The following EMID1 variants were observed in gnomAD, a reference collection of about 807,000 sequenced individuals.
EMID1 encodes the protein EMI domain-containing protein 1.
Under a neutral mutation model 60.6 loss-of-function variants are expected in EMID1, and 40 were observed. The observed-to-expected ratio is 0.66, with a 90% CI of 0.51 to 0.86. The LOEUF (loss-of-function observed/expected upper bound fraction) is 0.86, where lower values mean the gene tolerates loss of function less well. Among genes scored for constraint, EMID1 ranks in the 40% least tolerant of loss-of-function variants. The pLI is 0.00. For synonymous variants in EMID1, 242 were observed against 231.0 expected, an observed-to-expected ratio of 1.05 and a Z score of -0.43; for missense variants, 585 against 597.1, an observed-to-expected ratio of 0.98 and a Z score of 0.21.
chr22:29,251,702 T>G (rs2041534317), intron 13 of EMID1, among the ~76,000 whole-genome samples: 1 of 152,036 alleles, frequency 6.6e-6, no homozygotes, highest in South Asian at 2.1e-4. Context: ...TCTCCCTCCG[T>G]CACCCAGGCT....
intron 6 of EMID1, chr22:29,231,378 TG>T: frequency 2.5e-6 from 2 of 815,418 alleles, no homozygotes; most frequent in Non-Finnish European, 2.0e-6. Context: ...CGGGGGGAGC[TG>T]GGAGTGGGGA....
At position 29,213,770 on chromosome 22, in the gene EMID1, T is replaced by C. The variant is rs1164108899; in HGVS notation, c.102-1156T>C. On this transcript the variant is annotated intron_variant, in intron 1 of 14. Coordinates refer to ENST00000334018, the MANE Select transcript of EMID1 (RefSeq NM_133455.4). ...CCCCTCCCAGACTTTCTTCCTGCCC[T>C]CAAGCCTGGGGTCAGCAGGTTCCCA... 2.0e-5 allele frequency among the ~76,000 whole-genome samples: 3 copies of C among 152,122 alleles called. No individual in the cohort carries two copies. The East Asian group carries it at 5.8e-4, about 29-fold the overall frequency.
intron 12 of EMID1, among the ~76,000 whole-genome samples, chr22:29,240,859 TG>T (rs1318356400): frequency 2.6e-5 from 4 of 152,210 alleles, no homozygotes; most frequent in Non-Finnish European, 5.9e-5. Context: ...CTCATTCCTT[TG>T]ACTCTGTCAG....
intron 12 of EMID1, 48 bp downstream of exon 12, chr22:29,234,397 TC>T: frequency 1.3e-6 from 2 of 1,596,838 alleles, no homozygotes; most frequent in South Asian, 1.1e-5. Flanking sequence ...GATCCCTTAG[TC>T]CCAGATTCCT....
intron 8 of EMID1, 121 bp from the exon 9 acceptor site, chr22:29,233,257 GT>G: frequency 1.0e-6 from 1 of 991,636 alleles, no homozygotes; most frequent in South Asian, 1.4e-5. Flanking sequence ...TGCCCAGGTG[GT>G]ACCAGCCATG....
intron 3 of EMID1, among the ~76,000 whole-genome samples, chr22:29,222,639 G>C (rs888002357): frequency 5.4e-5 from 8 of 148,960 alleles, no homozygotes; most frequent in Non-Finnish European, 1.0e-4. Context: ...CCTGACCTCA[G>C]GTGATCCACC....
At chr22:29,231,523 G>C (rs919586073) in intron 6 of EMID1, 70 bp from the exon 7 acceptor site, 4 of 1,486,176 alleles carry the variant, frequency 2.7e-6, no homozygotes, top group East Asian at 2.5e-5. Context: ...ATGCTGGTTG[G>C]GGGGCTGGGG....
chr22:29,258,673 T>G, intron 14 of EMID1, 144 bp from the exon 15 acceptor site: 1 of 1,329,054 alleles, frequency 7.5e-7, no homozygotes, highest in Non-Finnish European at 1.0e-6. Context: ...AGACCCCCTT[T>G]CCCACAGCTC....
intron 4 of EMID1, among the ~76,000 whole-genome samples, chr22:29,226,067 G>A (rs960110458): frequency 1.1e-4 from 17 of 152,250 alleles, no homozygotes; most frequent in Non-Finnish European, 1.3e-4. Context: ...GACAAGTCAC[G>A]CGGGACAGTA....
At chr22:29,249,787 G>A (rs5763104) in intron 13 of EMID1, among the ~76,000 whole-genome samples, 87,335 of 150,476 alleles carry the variant, frequency 0.58, 25,454 homozygotes, top group Middle Eastern at 0.67. Context: ...GCTAATTTTT[G>A]TATTTTGAGT....
chr22:29,230,018 A>T (rs372939653), intron 5 of EMID1, among the ~76,000 whole-genome samples: 11 of 151,788 alleles, frequency 7.2e-5, no homozygotes, highest in Admixed American at 5.9e-4. Flanking sequence ...TTCATGTCAG[A>T]CTCTTCCAAA....
chr22:29,246,769 T>C (rs2041346121), intron 13 of EMID1, among the ~76,000 whole-genome samples: 1 of 152,118 alleles, frequency 6.6e-6, no homozygotes, highest in Non-Finnish European at 1.5e-5. Flanking sequence ...CTGAGGGAGT[T>C]CCAAACAGTG....
intron 7 of EMID1, 58 bp from the exon 8 acceptor site, chr22:29,232,198 G>C: frequency 6.2e-7 from 1 of 1,608,808 alleles, no homozygotes; most frequent in South Asian, 1.1e-5. Flanking sequence ...GTCGCTCAAG[G>C]CCACCCTGGG....
chr22:29,231,179 G>A, intron 6 of EMID1, 39 bp downstream of exon 6: 1 of 1,553,532 alleles, frequency 6.4e-7, no homozygotes, highest in South Asian at 1.2e-5. Context: ...GGAATGAGCA[G>A]TGGGTTGGGA....
chr22:29,224,529 C>G (rs950065949), intron 3 of EMID1, among the ~76,000 whole-genome samples: 3 of 152,228 alleles, frequency 2.0e-5, no homozygotes, highest in Non-Finnish European at 4.4e-5. Context: ...CCCTTGCCCT[C>G]CCAGGCAGCC....
intron 13 of EMID1, among the ~76,000 whole-genome samples, chr22:29,244,749 G>A (rs926780021): frequency 1.5e-5 from 2 of 130,856 alleles, no homozygotes; most frequent in East Asian, 1.9e-4. Flanking sequence ...CCCAAGAGAC[G>A]TGGGGGAAAG....
At position 29,220,287 on chromosome 22, in the gene EMID1, C is replaced by T. The variant is rs146569853; in HGVS notation, c.319+4657C>T. Among the ~76,000 whole-genome samples the T allele has an allele frequency of 8.9e-4, 135 of 152,322 alleles. 1 individual carries two copies. In the East Asian group the frequency reaches 0.018, roughly 21 times the overall value. ...ACTCCCACATCCCCAGTGCCTGGCA[C>T]GGGCCATGTATAAAGTGAGTGCACA... On this transcript the variant is annotated intron_variant, in intron 3 of 14. Transcript: ENST00000334018.
chr22:29,255,263 C>A (rs1281047570), intron 14 of EMID1: 2 of 1,283,002 alleles, frequency 1.6e-6, no homozygotes, highest in East Asian at 4.6e-5. Context: ...TTCTCCATCT[C>A]CCATCAGGCT....
chr22:29,207,876 G>C (rs1568962731), intron 1 of EMID1, among the ~76,000 whole-genome samples: 1 of 149,248 alleles, frequency 6.7e-6, no homozygotes, highest in South Asian at 2.1e-4. Context: ...TGTCGGCTTG[G>C]GGGCACCAGG....
Sources: allele counts gnomAD v4.1 joint callset (sites outside exome capture counted in the v4.1 genomes callset), GRCh38; gene constraint gnomAD v4.1.1; transcripts MANE v1.5; gene names NCBI Gene and HGNC (gene_info 2026-07-23, HGNC 2026-07-21).